HCN1: variants seen among roughly 807,000 people sequenced by gnomAD.
HCN1 encodes hyperpolarization activated cyclic nucleotide gated potassium channel 1, also known as potassium/sodium hyperpolarization-activated cyclic nucleotide-gated channel 1.
HCN1 carries 13 observed loss-of-function variants against 78.9 expected under a neutral mutation model. The ratio of observed to expected loss-of-function variants is 0.16; its 90% confidence interval spans 0.11 to 0.26. HCN1 has a LOEUF of 0.26. Among genes scored for constraint, HCN1 ranks in the 10% least tolerant of loss-of-function variants. The probability of loss-of-function intolerance (pLI) is 1.00; values close to 1 mark genes in which losing one functional copy is unlikely to be tolerated. For synonymous variants in HCN1, 552 were observed against 455.5 expected (o/e 1.21, Z -2.70); for missense variants, 810 against 1,154.3 (o/e 0.70, Z 4.32).
At chr5:45,361,113 C>G (rs34519909) in intron 4 of HCN1, among the ~76,000 whole-genome samples, 1 of 152,146 alleles carries the variant, frequency 6.6e-6, no homozygotes. Context: ...GGCATGATCT[C>G]AGCTCACTGC....
chr5:45,310,728 G>A (rs906243284), intron 5 of HCN1, among the ~76,000 whole-genome samples: 5 of 152,078 alleles, frequency 3.3e-5, no homozygotes, highest in African/African-American at 7.2e-5. Flanking sequence ...GTTCATTGCA[G>A]CACAATTCAA....
chr5:45,497,493 A>AAG (rs1216357996), intron 2 of HCN1, among the ~76,000 whole-genome samples: 1 of 152,064 alleles, frequency 6.6e-6, no homozygotes, highest in Non-Finnish European at 1.5e-5. Flanking sequence ...TGTTGGTTTA[A>AAG]AGTCTGTTTT....
chr5:45,316,775 C>T (rs1048649757), intron 5 of HCN1, among the ~76,000 whole-genome samples: 1 of 152,068 alleles, frequency 6.6e-6, no homozygotes, highest in Non-Finnish European at 1.5e-5. Flanking sequence ...CAATAACAGA[C>T]AAACAGAGAG....
At chr5:45,350,646 C>T (rs551559696) in intron 5 of HCN1, among the ~76,000 whole-genome samples, 3 of 151,014 alleles carry the variant, frequency 2.0e-5, no homozygotes, top group Admixed American at 6.6e-5. Context: ...AGCCCAAAAT[C>T]TCCTTAAGCT....
intron 6 of HCN1, among the ~76,000 whole-genome samples, chr5:45,290,590 A>G (rs1006162440): frequency 1.3e-5 from 2 of 152,128 alleles, no homozygotes; most frequent in Non-Finnish European, 2.9e-5. Flanking sequence ...ACCATTTATT[A>G]GAAGAAAAGT....
At chr5:45,408,111 A>G (rs1380786300) in intron 3 of HCN1, among the ~76,000 whole-genome samples, 1 of 152,202 alleles carries the variant, frequency 6.6e-6, no homozygotes, top group Non-Finnish European at 1.5e-5. Context: ...AAAGTCAAAA[A>G]CATAAAAATA....
At chr5:45,454,336 G>A (rs936722481) in intron 3 of HCN1, among the ~76,000 whole-genome samples, 34 of 152,046 alleles carry the variant, frequency 2.2e-4, no homozygotes, top group African/African-American at 7.7e-4. Context: ...AATTGGGAGA[G>A]ACAGGACAGC....
intron 2 of HCN1, among the ~76,000 whole-genome samples, chr5:45,524,181 C>T (rs568308338): frequency 3.2e-4 from 48 of 152,172 alleles, no homozygotes; most frequent in Admixed American, 1.2e-3. Flanking sequence ...AGATACGTGG[C>T]GTTATTTCTG....
chr5:45,526,133 G>A (rs1262040409), intron 2 of HCN1, among the ~76,000 whole-genome samples: 1 of 152,054 alleles, frequency 6.6e-6, no homozygotes, highest in East Asian at 1.9e-4. Flanking sequence ...CACCCACTGT[G>A]TGGTAATTTG....
At chr5:45,359,393 T>C (rs911087966) in intron 4 of HCN1, among the ~76,000 whole-genome samples, 2 of 142,966 alleles carry the variant, frequency 1.4e-5, no homozygotes, top group African/African-American at 5.3e-5. Context: ...CTTTTTACTT[T>C]CAGGAAGCAT....
intron 4 of HCN1, among the ~76,000 whole-genome samples, chr5:45,396,088 C>T (rs1739681951): frequency 1.3e-5 from 2 of 152,010 alleles, no homozygotes; most frequent in African/African-American, 4.8e-5. Context: ...AGGGGGGGTA[C>T]AGAGGGACAT....
chr5:45,419,568 A>G (rs141043512), intron 3 of HCN1, among the ~76,000 whole-genome samples: 2 of 152,176 alleles, frequency 1.3e-5, no homozygotes, highest in African/African-American at 2.4e-5. Flanking sequence ...TTCTTCAGCT[A>G]CCTTTTGTTC....
In HCN1 at chr5:45,621,322, C is replaced by CT. The variant is rs1554036167; in HGVS notation, c.849+23862dup. On this transcript the variant is annotated intron_variant, in intron 2 of 7. Transcript: ENST00000303230. ...TAATTCTCATAATTGTTCCACCTTT[C>CT]TTTTTTTTTTCCTCCAGAAGTGAAA... Among the ~76,000 whole-genome samples the CT allele has an allele frequency of 1.3e-4, 8 of 60,578 alleles. No individual in the cohort carries two copies. The South Asian group carries it at 2.0e-3, about 15-fold the overall frequency. 39.7% of individuals were successfully genotyped at this position (60,578 alleles called of 152,430 possible). A position where few individuals can be genotyped will look rare whatever the true frequency, so the allele number is the denominator to read the frequency against.
In HCN1 at chr5:45,573,486, T is replaced by C. The variant is rs534744747; in HGVS notation, c.849+71699A>G. On this transcript the variant is annotated intron_variant, in intron 2 of 7. Coordinates refer to ENST00000303230, the MANE Select transcript of HCN1 (RefSeq NM_021072.4). ...AATAACCTCCCCCCACCCCGAAAAT[T>C]GTTAAAAAAACACTGTAACACTATC... Among the ~76,000 whole-genome samples the C allele has an allele frequency of 1.1e-3, 117 of 109,492 alleles. 1 individual carries two copies. In the South Asian group the frequency reaches 0.012, roughly 11 times the overall value. 71.8% of individuals were successfully genotyped at this position (109,492 alleles called of 152,430 possible).
chr5:45,491,250 T>C (rs957121349), intron 2 of HCN1, among the ~76,000 whole-genome samples: 4 of 152,162 alleles, frequency 2.6e-5, no homozygotes, highest in African/African-American at 7.2e-5. Flanking sequence ...CCCAGCAACA[T>C]ATACAAGCTA....
rs553360469 is a variant in HCN1, at chr5:45,295,081, C to CACCCCAACACTCACCACA, written c.1618+8500_1618+8517dup. On this transcript the variant is annotated intron_variant, in intron 6 of 7. Coordinates refer to ENST00000303230, the MANE Select transcript of HCN1 (RefSeq NM_021072.4). Reference sequence around the variant, plus strand: ...ACAATCAAAACCATCACTCCTTGAGCACCCCAACACTCACCACAACCCCAA... The same window carrying CACCCCAACACTCACCACA: ...ACAATCAAAACCATCACTCCTTGAGCACCCCAACACTCACCACAACCCCAACACTCACCACAACCCCAA... Among the ~76,000 whole-genome samples the CACCCCAACACTCACCACA allele has an allele frequency of 6.6e-4, 101 of 152,070 alleles. 1 individual carries two copies. The East Asian group carries it at 0.012, about 18-fold the overall frequency.
chr5:45,570,714 AG>A (rs1341801822), intron 2 of HCN1, among the ~76,000 whole-genome samples: 2 of 152,170 alleles, frequency 1.3e-5, no homozygotes, highest in African/African-American at 4.8e-5. Flanking sequence ...TAACATTGTT[AG>A]TGCCTTACTT....
chr5:45,461,034 T>G (rs1193270993), intron 3 of HCN1, among the ~76,000 whole-genome samples: 1 of 151,790 alleles, frequency 6.6e-6, no homozygotes, highest in African/African-American at 2.4e-5. Context: ...TTTTATTAAG[T>G]AAAAATGTAA....
At chr5:45,333,262 G>A (rs1047103677) in intron 5 of HCN1, among the ~76,000 whole-genome samples, 4 of 151,614 alleles carry the variant, frequency 2.6e-5, no homozygotes, top group Non-Finnish European at 5.9e-5. Context: ...CTTTTCATAT[G>A]CCCGTTTGCC....
Sources: allele counts gnomAD v4.1 joint callset (sites outside exome capture counted in the v4.1 genomes callset), GRCh38; gene constraint gnomAD v4.1.1; transcripts MANE v1.5; gene names NCBI Gene and HGNC (gene_info 2026-07-23, HGNC 2026-07-21).